PTPRG: variants seen among roughly 807,000 people sequenced by gnomAD.
PTPRG encodes the protein receptor-type tyrosine-protein phosphatase gamma.
In PTPRG, 102 loss-of-function variants were observed where a neutral mutation model predicts 165.3. The ratio of observed to expected loss-of-function variants is 0.62; its 90% CI spans 0.53 to 0.73. The LOEUF is 0.73. Ranked by LOEUF, PTPRG falls within the 30% of genes least tolerant of loss-of-function variation. The pLI, the probability that PTPRG is intolerant of heterozygous loss-of-function variation, is 0.00. For synonymous variants in PTPRG, 675 were observed against 669.5 expected (o/e 1.01, Z -0.13); for missense variants, 1,866 against 1,861.4 (o/e 1.00, Z -0.05).
intron 2 of PTPRG, among the ~76,000 whole-genome samples, chr3:61,923,913 G>A (rs1201019148): frequency 6.6e-6 from 1 of 151,898 alleles, no homozygotes; most frequent in East Asian, 1.9e-4. Flanking sequence ...ATTTTATCAA[G>A]TAAACGATTC....
intron 17 of PTPRG, among the ~76,000 whole-genome samples, chr3:62,265,944 C>A (rs1701860487): frequency 6.8e-6 from 1 of 147,274 alleles, no homozygotes; most frequent in Non-Finnish European, 1.5e-5. Flanking sequence ...TCCACCAGAG[C>A]ATCCTTTACT....
chr3:61,870,493 T>G (rs2037536887), intron 2 of PTPRG, among the ~76,000 whole-genome samples: 1 of 130,682 alleles, frequency 7.7e-6, no homozygotes, highest in Non-Finnish European at 1.6e-5. Context: ...TTTTTTTTTT[T>G]TTTTTTTTTG....
chr3:61,699,631 A>G (rs556871096), intron 1 of PTPRG, among the ~76,000 whole-genome samples: 2 of 152,290 alleles, frequency 1.3e-5, no homozygotes, highest in South Asian at 2.1e-4. Context: ...ATATTTAGTC[A>G]TGTGGTAGGT....
intron 19 of PTPRG, among the ~76,000 whole-genome samples, chr3:62,268,476 C>A (rs976556139): frequency 1.3e-5 from 2 of 151,884 alleles, no homozygotes; most frequent in Non-Finnish European, 2.9e-5. Flanking sequence ...TGCACATGTA[C>A]CCCAAAACTA....
chr3:61,817,716 C>T (rs1392466756), intron 2 of PTPRG, among the ~76,000 whole-genome samples: 1 of 152,152 alleles, frequency 6.6e-6, no homozygotes, highest in African/African-American at 2.4e-5. Context: ...ATTGCAGATG[C>T]CCATGGGAAA....
chr3:61,842,848 A>C (rs11716455), intron 2 of PTPRG, among the ~76,000 whole-genome samples: 38,595 of 152,076 alleles, frequency 0.25, 5,802 homozygotes, highest in East Asian at 0.52. Flanking sequence ...GGAGGGGAGC[A>C]TACTGACTCA....
At chr3:62,057,468 C>T (rs181166015) in intron 4 of PTPRG, among the ~76,000 whole-genome samples, 1 of 152,342 alleles carries the variant, frequency 6.6e-6, no homozygotes, top group East Asian at 1.9e-4. Context: ...AAGGTATCTG[C>T]ATCTTAGACA....
At chr3:61,677,562 AT>A (rs1482209372) in intron 1 of PTPRG, among the ~76,000 whole-genome samples, 1 of 152,228 alleles carries the variant, frequency 6.6e-6, no homozygotes. Context: ...CTTATTAATT[AT>A]AATGTGTGCA....
intron 2 of PTPRG, among the ~76,000 whole-genome samples, chr3:61,765,727 TA>T (rs2033996734): frequency 6.6e-6 from 1 of 152,244 alleles, no homozygotes; most frequent in Non-Finnish European, 1.5e-5. Context: ...AAGGGTTACA[TA>T]AATGTAGTAG....
At chr3:61,702,568 G>A (rs184101401) in intron 1 of PTPRG, among the ~76,000 whole-genome samples, 1 of 152,332 alleles carries the variant, frequency 6.6e-6, no homozygotes, top group East Asian at 1.9e-4. Context: ...CAAATCTGAA[G>A]TATGTGGCTC....
chr3:62,015,801 A>G (rs770723490), intron 4 of PTPRG, among the ~76,000 whole-genome samples: 2 of 152,132 alleles, frequency 1.3e-5, no homozygotes, highest in East Asian at 3.9e-4. Flanking sequence ...TCTGATTCCA[A>G]TTGTTTTGAA....
Position 61,958,450 on chromosome 3 carries a change from C to T in PTPRG, c.191-31175C>T, listed in dbSNP as rs936716238. ...ATGGCTGGCTGGAATTATCTTGAAT[C>T]GGGTAAAATCATAGCAACCTAGTAA... is the stretch of plus-strand genomic sequence containing the variant. On this transcript the variant is annotated intron_variant, in intron 2 of 29. Coordinates refer to ENST00000474889, the MANE Select transcript of PTPRG (RefSeq NM_002841.4). 2.0e-5 allele frequency among the ~76,000 whole-genome samples: 3 copies of T among 152,230 alleles called. No individual in the cohort carries two copies. In the East Asian group the frequency reaches 5.8e-4, roughly 29 times the overall value.
chr3:62,041,337 C>T (rs950277234), intron 4 of PTPRG, among the ~76,000 whole-genome samples: 11 of 152,114 alleles, frequency 7.2e-5, no homozygotes, highest in African/African-American at 2.2e-4. Context: ...TTTCTTACCT[C>T]GTAGTACTTG....
chr3:62,091,107 A>C (rs183700939), intron 5 of PTPRG, among the ~76,000 whole-genome samples: 1 of 152,344 alleles, frequency 6.6e-6, no homozygotes, highest in East Asian at 1.9e-4. Flanking sequence ...AAAAATGCCA[A>C]AATAAAAGGA....
At chr3:61,856,108 T>G (rs1220765184) in intron 2 of PTPRG, among the ~76,000 whole-genome samples, 2 of 152,170 alleles carry the variant, frequency 1.3e-5, no homozygotes, top group Admixed American at 6.6e-5. Flanking sequence ...TCTCTTGTAC[T>G]TACGTAGAAC....
intron 2 of PTPRG, among the ~76,000 whole-genome samples, chr3:61,799,980 C>T (rs957059245): frequency 3.3e-5 from 5 of 152,198 alleles, no homozygotes; most frequent in Admixed American, 3.3e-4. Flanking sequence ...TCCAACCCTG[C>T]TAACTTCCTA....
chr3:62,223,655 A>G (rs548227453), intron 13 of PTPRG, among the ~76,000 whole-genome samples: 19 of 152,314 alleles, frequency 1.2e-4, no homozygotes, highest in African/African-American at 3.6e-4. Flanking sequence ...GGTGCAAGCT[A>G]TGGAAAATGC....
intron 4 of PTPRG, among the ~76,000 whole-genome samples, chr3:62,005,965 A>G (rs185551677): frequency 9.9e-5 from 15 of 152,042 alleles, no homozygotes; most frequent in African/African-American, 3.6e-4. Flanking sequence ...AGCCTCCCAA[A>G]GTGTTGGGAT....
At chr3:61,823,946 G>A (rs1460304963) in intron 2 of PTPRG, among the ~76,000 whole-genome samples, 1 of 152,080 alleles carries the variant, frequency 6.6e-6, no homozygotes, top group Non-Finnish European at 1.5e-5. Flanking sequence ...CTAACACAGG[G>A]AAACCCCGTC....
Sources: allele counts gnomAD v4.1 joint callset (sites outside exome capture counted in the v4.1 genomes callset), GRCh38; gene constraint gnomAD v4.1.1; transcripts MANE v1.5; gene names NCBI Gene and HGNC (gene_info 2026-07-23, HGNC 2026-07-21).